The following TRIO variants were observed in gnomAD, a reference collection of about 807,000 sequenced individuals.
TRIO encodes triple functional domain protein.
Under a neutral mutation model 351.9 loss-of-function variants are expected in TRIO, and 58 were observed. The ratio of observed to expected loss-of-function variants is 0.16; its 90% confidence interval spans 0.13 to 0.21. The LOEUF (loss-of-function observed/expected upper bound fraction) is 0.21, where lower values mean the gene tolerates loss of function less well. Ranked by LOEUF, TRIO falls within the 10% of genes least tolerant of loss-of-function variation. TRIO has a pLI of 1.00. For missense variants in TRIO, 3,201 were observed against 4,027.8 expected (o/e 0.79, Z 5.56); for synonymous variants, 1,758 against 1,595.7 (o/e 1.10, Z -2.42).
intron 11 of TRIO, among the ~76,000 whole-genome samples, chr5:14,346,764 G>C (rs1366366925): frequency 6.6e-6 from 1 of 152,242 alleles, no homozygotes; most frequent in African/African-American, 2.4e-5. Context: ...AGAAAGGAAA[G>C]TATGGGCTAT....
intron 1 of TRIO, among the ~76,000 whole-genome samples, chr5:14,152,518 C>T (rs1192999227): frequency 1.3e-5 from 2 of 152,112 alleles, no homozygotes; most frequent in African/African-American, 4.8e-5. Context: ...TACAGGCGCC[C>T]GCCACCATGC....
chr5:14,499,511 C>T (rs539203274), intron 53 of TRIO, among the ~76,000 whole-genome samples: 2 of 152,278 alleles, frequency 1.3e-5, no homozygotes, highest in East Asian at 1.9e-4. Flanking sequence ...TGGAGCACCC[C>T]GTCTGTAGAC....
At chr5:14,451,132 A>G (rs911368048) in intron 34 of TRIO, among the ~76,000 whole-genome samples, 2 of 152,210 alleles carry the variant, frequency 1.3e-5, no homozygotes, top group African/African-American at 4.8e-5. Flanking sequence ...AAGATTTCCC[A>G]AGTAATACCC....
Position 14,461,289 on chromosome 5 carries a change from C to A in TRIO, c.5474C>A (p.Pro1825Gln). The change falls in exon 35 of 57, where the codon CCG (proline) becomes CAG (glutamine). Residue 1825 changes from proline (P) to glutamine (Q), a missense_variant. Coordinates refer to ENST00000344204, the MANE Select transcript of TRIO (RefSeq NM_007118.4). Reference protein sequence around the residue: ...QKDSDDSAATPQDETVEERGR... With the variant: ...QKDSDDSAATQQDETVEERGR... The stretch of plus-strand genomic sequence containing the variant: ...GACTCCGACGACAGTGCGGCCACCC[C>A]GCAGGACGAGACGGTCGAGGAGGTG... 4.4e-6 allele frequency: 7 copies of A among 1,590,380 alleles called. No individual in the cohort carries two copies. Among genetic ancestry groups the A allele is most frequent in the South Asian group, 1.1e-5 (1 of 88,344 alleles).
At chr5:14,198,565 G>T (rs765001114) in intron 1 of TRIO, among the ~76,000 whole-genome samples, 1 of 152,172 alleles carries the variant, frequency 6.6e-6, no homozygotes, top group Non-Finnish European at 1.5e-5. Context: ...TGGGAATTTG[G>T]GGCATTGAAA....
intron 33 of TRIO, among the ~76,000 whole-genome samples, chr5:14,418,180 G>A (rs751400468): frequency 6.6e-6 from 1 of 152,230 alleles, no homozygotes; most frequent in Non-Finnish European, 1.5e-5. Flanking sequence ...CTTTCAGCAA[G>A]AGGGATGGTA....
At chr5:14,473,420 T>G (rs1276657386) in intron 39 of TRIO, among the ~76,000 whole-genome samples, 2 of 152,234 alleles carry the variant, frequency 1.3e-5, no homozygotes, top group African/African-American at 4.8e-5. Context: ...AGATTTAACA[T>G]GCTTGATTTA....
rs1756042423 is a variant in TRIO, at chr5:14,487,584, G to C, written c.6956G>C (p.Gly2319Ala). 8 of 1,145,216 alleles carry C rather than the reference G, an allele frequency of 7.0e-6. No individual in the cohort carries two copies. Among genetic ancestry groups the C allele is most frequent in the Non-Finnish European group, 8.7e-6 (8 of 924,550 alleles). The allele number at this position is 1,145,216 out of a possible 1,614,324, so 70.9% of individuals were successfully genotyped here. ...GGGGAPSGGSGHSGGPSSCGG... is the reference protein window; with the variant it reads ...GGGGAPSGGSAHSGGPSSCGG... ...GGCGGGGCCCCCAGTGGCGGCAGCG[G>C]CCACAGTGGCGGCCCCAGCAGCTGC... The change falls in exon 48 of 57, where the codon GGC (glycine) becomes GCC (alanine). Residue 2319 changes from glycine (G) to alanine (A), a missense_variant. By Grantham distance (60) the Gly-to-Ala change is moderately conservative (BLOSUM62 0). Coordinates refer to ENST00000344204, the MANE Select transcript of TRIO (RefSeq NM_007118.4).
In TRIO at chr5:14,293,154, T is replaced by G; in HGVS notation, c.1176+20T>G. 1 of 1,613,920 alleles carries G rather than the reference T, an allele frequency of 6.2e-7. No individual in the cohort carries two copies. Among genetic ancestry groups the G allele is most frequent in the East Asian group, 2.2e-5 (1 of 44,872 alleles). On this transcript the variant is annotated intron_variant, in intron 6 of 56. Transcript: ENST00000344204. ...TGTATGGTAAGACACTCGGAACAGC[T>G]GGACCCTGGCATGTGACAGTGTTTT...
At chr5:14,339,100 G>A (rs1332782221) in intron 11 of TRIO, among the ~76,000 whole-genome samples, 1 of 152,136 alleles carries the variant, frequency 6.6e-6, no homozygotes, top group Non-Finnish European at 1.5e-5. Flanking sequence ...AATTAGCCGG[G>A]TGTGGTGGCA....
intron 47 of TRIO, among the ~76,000 whole-genome samples, chr5:14,486,491 G>A (rs1469014107): frequency 6.6e-6 from 1 of 152,196 alleles, no homozygotes; most frequent in Admixed American, 6.5e-5. Context: ...TGAGGATAGG[G>A]AGGCACAGTT....
chr5:14,466,010 GTGTC>G (rs1222200166), intron 37 of TRIO: 2 of 267,634 alleles, frequency 7.5e-6, no homozygotes, highest in African/African-American at 4.3e-5. Context: ...TTGGTGTTGA[GTGTC>G]TGTTTGGGCT....
intron 34 of TRIO, among the ~76,000 whole-genome samples, chr5:14,426,524 A>G (rs546550827): frequency 2.6e-4 from 40 of 152,354 alleles, no homozygotes; most frequent in Admixed American, 2.4e-3. Context: ...AAGACCCACA[A>G]GGAACTGTCC....
Position 14,180,100 on chromosome 5 carries a change from CAAAAAAAA to C in TRIO, c.157+36239_157+36246del, listed in dbSNP as rs70964542. Reference sequence around the variant, plus strand: ...TGGGTGACAGAGCAGGACTCCTGCTCAAAAAAAAAAAAAAAAAAAAAAAAAAAAGATTA... The same window carrying C: ...TGGGTGACAGAGCAGGACTCCTGCTCAAAAAAAAAAAAAAAAAAAAGATTA... On this transcript the variant is annotated intron_variant, in intron 1 of 56. Coordinates refer to ENST00000344204, the MANE Select transcript of TRIO (RefSeq NM_007118.4). Among the ~76,000 whole-genome samples the C allele has an allele frequency of 5.2e-3, 144 of 27,732 alleles. 1 individual carries two copies. The highest frequency in any genetic ancestry group is 0.015 in the Admixed American group (28 of 1,872). 18.2% of individuals were successfully genotyped at this position (27,732 alleles called of 152,430 possible).
chr5:14,317,938 C>G (rs1739515336), intron 9 of TRIO, among the ~76,000 whole-genome samples: 1 of 152,028 alleles, frequency 6.6e-6, no homozygotes, highest in Admixed American at 6.6e-5. Context: ...ACGAGCCTGC[C>G]CAACATGGTG....
Position 14,336,700 on chromosome 5 carries a change from A to T in TRIO, c.2019A>T (p.Ser673=), listed in dbSNP as rs199909638. 2.7e-5 allele frequency: 43 copies of T among 1,614,230 alleles called. No homozygotes were observed. In the Admixed American group the frequency reaches 6.0e-4, roughly 23 times the overall value. The stretch of plus-strand genomic sequence containing the variant: ...AGCGAAAGATCCTACTGGACATGTC[A>T]GTGTCCTTTCACACCCATGTGAAAG... The part of the protein sequence containing the change: ...VEQRKILLDM[S]VSFHTHVKEL... The change falls in exon 11 of 57, where the codon TCA becomes TCT. Residue 673 remains serine, a synonymous_variant. Transcript: ENST00000344204.
chr5:14,424,051 A>G (rs544386190), intron 34 of TRIO, among the ~76,000 whole-genome samples: 1 of 150,012 alleles, frequency 6.7e-6, no homozygotes, highest in South Asian at 2.1e-4. Flanking sequence ...TCTAAAAAAT[A>G]AATAAATAAA....
intron 33 of TRIO, among the ~76,000 whole-genome samples, chr5:14,407,712 C>G (rs1414628499): frequency 6.6e-6 from 1 of 152,166 alleles, no homozygotes; most frequent in East Asian, 1.9e-4. Flanking sequence ...TCAGAAGCAG[C>G]CTAGAGTATC....
intron 2 of TRIO, among the ~76,000 whole-genome samples, chr5:14,274,440 C>A (rs893784668): frequency 7.9e-5 from 12 of 152,012 alleles, no homozygotes; most frequent in Non-Finnish European, 1.8e-4. Flanking sequence ...TGTTTAGTTT[C>A]ATAGGGAGTT....
Sources: gnomAD v4.1 joint callset for allele counts (sites outside exome capture counted in the v4.1 genomes callset) on GRCh38, gnomAD v4.1.1 for gene constraint, MANE v1.5 for transcripts, NCBI Gene and HGNC (gene_info 2026-07-23, HGNC 2026-07-21) for gene names.